R3HCC1L: variants seen among roughly 807,000 people sequenced by gnomAD.
R3HCC1L encodes the protein coiled-coil domain-containing protein R3HCC1L.
In R3HCC1L, 51 loss-of-function variants were observed where a neutral mutation model predicts 59.9. That is an observed-to-expected ratio of 0.85 (90% CI 0.68 to 1.07). The LOEUF is 1.07. Among genes scored for constraint, R3HCC1L ranks in the 50% least tolerant of loss-of-function variants. R3HCC1L has a pLI of 0.00. For synonymous variants in R3HCC1L, 322 were observed against 315.2 expected, an observed-to-expected ratio of 1.02 and a Z score of -0.23; for missense variants, 965 against 933.0, an observed-to-expected ratio of 1.03 and a Z score of -0.45.
intron 5 of R3HCC1L, among the ~76,000 whole-genome samples, chr10:98,228,529 A>T (rs1054519434): frequency 3.6e-4 from 55 of 152,220 alleles, no homozygotes; most frequent in Non-Finnish European, 4.0e-4. Context: ...CCCATTCTGT[A>T]GGTTGCCTGT....
chr10:98,182,276 C>T (rs549912777), intron 4 of R3HCC1L, among the ~76,000 whole-genome samples: 2 of 152,336 alleles, frequency 1.3e-5, no homozygotes, highest in East Asian at 3.9e-4. Context: ...ACAGGTCACT[C>T]AGCTGCAGGT....
At chr10:98,142,941 AAAAC>A (rs1249217409) in intron 1 of R3HCC1L, among the ~76,000 whole-genome samples, 10 of 150,918 alleles carry the variant, frequency 6.6e-5, no homozygotes, top group African/African-American at 1.5e-4. Flanking sequence ...TCTCCAAAAA[AAAAC>A]AAACAAACAA....
At chr10:98,154,928 C>T (rs1378157005) in intron 1 of R3HCC1L, among the ~76,000 whole-genome samples, 2 of 152,054 alleles carry the variant, frequency 1.3e-5, no homozygotes, top group Non-Finnish European at 2.9e-5. Context: ...AAAAAATATC[C>T]GTATATATAC....
At chr10:98,217,593 A>G in intron 5 of R3HCC1L, among the ~76,000 whole-genome samples, 1 of 152,156 alleles carries the variant, frequency 6.6e-6, no homozygotes, top group Non-Finnish European at 1.5e-5. Context: ...TTGAATCTTT[A>G]GATTGCTTTA....
chr10:98,176,593 G>A (rs943402699), intron 4 of R3HCC1L, among the ~76,000 whole-genome samples: 2 of 152,060 alleles, frequency 1.3e-5, no homozygotes, highest in African/African-American at 4.8e-5. Flanking sequence ...CTTAGTTCTG[G>A]TAGCTTTCTT....
intron 4 of R3HCC1L, chr10:98,174,432 A>T (rs1383092574): frequency 1.7e-6 from 1 of 577,582 alleles, no homozygotes; most frequent in African/African-American, 2.0e-5. Context: ...TTCTGTGAAT[A>T]TTTATTGTAT....
intron 4 of R3HCC1L, among the ~76,000 whole-genome samples, chr10:98,202,472 C>T (rs920059318): frequency 6.6e-5 from 10 of 152,126 alleles, no homozygotes; most frequent in African/African-American, 2.4e-4. Context: ...ACATCACCAC[C>T]ATGAAGTGTT....
At chr10:98,139,842 T>C (rs1300184034) in intron 1 of R3HCC1L, among the ~76,000 whole-genome samples, 3 of 151,980 alleles carry the variant, frequency 2.0e-5, no homozygotes, top group Non-Finnish European at 4.4e-5. Flanking sequence ...TTGTTGTCCT[T>C]CTTGTATCTT....
At chr10:98,229,259 A>C (rs1031549696) in intron 5 of R3HCC1L, among the ~76,000 whole-genome samples, 3 of 152,102 alleles carry the variant, frequency 2.0e-5, no homozygotes, top group Admixed American at 6.5e-5. Flanking sequence ...CTTTTATTTC[A>C]TCAAGCAGTG....
At chr10:98,163,087 G>A (rs1847604182) in intron 3 of R3HCC1L, 112 bp downstream of exon 3, 1 of 233,122 alleles carries the variant, frequency 4.3e-6, no homozygotes, top group East Asian at 8.0e-5. Flanking sequence ...GAGAATGACA[G>A]AAGATGGCAT....
rs549682939 is a variant in R3HCC1L, at chr10:98,201,909, C to T, written c.-14-6192C>T. Among the ~76,000 whole-genome samples the T allele has an allele frequency of 8.9e-4, 125 of 139,778 alleles. 2 individuals carry two copies. The highest frequency in any genetic ancestry group is 5.4e-3 in the South Asian group (24 of 4,438). 91.7% of individuals were successfully genotyped at this position (139,778 alleles called of 152,430 possible). Reference sequence around the variant, plus strand: ...TTTTTTTTTTTTTTTTTTAAAGAGACGGGGTCTCACTACCTTGCCCAAGCT... The same window carrying T: ...TTTTTTTTTTTTTTTTTTAAAGAGATGGGGTCTCACTACCTTGCCCAAGCT... On this transcript the variant is annotated intron_variant, in intron 4 of 9. Transcript: ENST00000298999.
chr10:98,135,246 T>C (rs1228825249), intron 1 of R3HCC1L, among the ~76,000 whole-genome samples: 1 of 152,172 alleles, frequency 6.6e-6, no homozygotes, highest in African/African-American at 2.4e-5. Context: ...ATCTTTAAAG[T>C]TTGTGAGTGC....
At chr10:98,169,029 A>T (rs928991009) in intron 4 of R3HCC1L, among the ~76,000 whole-genome samples, 1 of 152,202 alleles carries the variant, frequency 6.6e-6, no homozygotes, top group Non-Finnish European at 1.5e-5. Context: ...GGGTGAGGCA[A>T]GGTGAATGAG....
chr10:98,242,316 T>C (rs1256591297), intron 9 of R3HCC1L, among the ~76,000 whole-genome samples: 1 of 152,020 alleles, frequency 6.6e-6, no homozygotes, highest in Non-Finnish European at 1.5e-5. Context: ...ACCACTGCAC[T>C]CCACCCTGGG....
intron 5 of R3HCC1L, among the ~76,000 whole-genome samples, chr10:98,212,404 G>C (rs1024882055): frequency 3.3e-5 from 5 of 152,146 alleles, no homozygotes; most frequent in African/African-American, 1.2e-4. Flanking sequence ...CTAATAGTCA[G>C]GTATGCTGTA....
chr10:98,187,897 C>T (rs1850396957), intron 4 of R3HCC1L, among the ~76,000 whole-genome samples: 1 of 151,720 alleles, frequency 6.6e-6, no homozygotes, highest in African/African-American at 2.4e-5. Context: ...CCACCATGCC[C>T]AGCTAATTAA....
At chr10:98,179,190 G>A (rs1849367565) in intron 4 of R3HCC1L, among the ~76,000 whole-genome samples, 1 of 152,120 alleles carries the variant, frequency 6.6e-6, no homozygotes, top group Non-Finnish European at 1.5e-5. Context: ...TATGATATTG[G>A]CTGTGGGTTT....
intron 2 of R3HCC1L, among the ~76,000 whole-genome samples, chr10:98,161,456 A>G (rs1231259753): frequency 2.0e-5 from 3 of 152,010 alleles, no homozygotes; most frequent in Admixed American, 2.0e-4. Context: ...ATTTTCTCCC[A>G]GTTTGTAGTG....
At chr10:98,154,182 CAAAA>C (rs61379048) in intron 1 of R3HCC1L, among the ~76,000 whole-genome samples, 17 of 92,800 alleles carry the variant, frequency 1.8e-4, no homozygotes, top group South Asian at 4.0e-4. Flanking sequence ...AGAGAATAAG[CAAAA>C]AAAAAAAAAA....
Sources: gnomAD v4.1 joint callset for allele counts (sites outside exome capture counted in the v4.1 genomes callset) on GRCh38, gnomAD v4.1.1 for gene constraint, MANE v1.5 for transcripts, NCBI Gene and HGNC (gene_info 2026-07-23, HGNC 2026-07-21) for gene names.